ZBTB45: variants seen among roughly 807,000 people sequenced by gnomAD.
ZBTB45 encodes zinc finger and BTB domain containing 45, also known as zinc finger and BTB domain-containing protein 45.
In ZBTB45, 22 loss-of-function variants were observed where a neutral mutation model predicts 28.4. The ratio of observed to expected loss-of-function variants is 0.77; its 90% CI spans 0.55 to 1.10. The LOEUF (loss-of-function observed/expected upper bound fraction) is 1.10. ZBTB45 is among the 50% of genes least tolerant of loss of function. The pLI is 0.00. For missense variants in ZBTB45, 656 were observed against 750.2 expected, an observed-to-expected ratio of 0.87 and a Z score of 1.47; for synonymous variants, 361 against 332.3, an observed-to-expected ratio of 1.09 and a Z score of -0.94.
chr19:58,516,741 G>C lies in ZBTB45; in HGVS notation c.933C>G (p.Asp311Glu). The change falls in exon 2 of 3, where the codon GAC becomes GAG. Residue 311 changes from aspartate to glutamate, a missense_variant. By Grantham distance (45) the Asp-to-Glu change is conservative (BLOSUM62 2). This residue lies in a region of ZBTB45 where 448 missense variants were observed against 444.3 expected (regional missense o/e 1.01). Coordinates refer to ENST00000594051, the MANE Select transcript of ZBTB45 (RefSeq NM_001316979.2). This position sits in a 1 kb window ranked among gnomAD's most constrained non-coding sequence, Gnocchi z 6.2. ...GCGGGCGGGATCCAGACAGTATGCA[G>C]TCGGGCTGGACAGGGGTCTCAGTGG... ...GCPTETPVQP[D>E]CILSGSRPPG... 3.1e-6 allele frequency: 5 copies of C among 1,611,566 alleles called. No individual in the cohort carries two copies. The highest frequency in any genetic ancestry group is 4.2e-6 in the Non-Finnish European group (5 of 1,178,628).
chr19:58,518,867 G>A (rs566541159), intron 1 of ZBTB45, among the ~76,000 whole-genome samples: 5 of 152,164 alleles, frequency 3.3e-5, no homozygotes, highest in African/African-American at 1.2e-4. Context: ...GGGTGGGCTC[G>A]GCTTGATGCT....
chr19:58,516,002 T>C lies in ZBTB45; in HGVS notation c.1279+393A>G, dbSNP rs1404593943. The stretch of plus-strand genomic sequence containing the variant: ...CCCATCCTCCCTTGCTGCCAGCCTA[T>C]AACGGGACAGCTGGAAACCAGAGAG... On this transcript the variant is annotated intron_variant, in intron 2 of 2. Transcript: ENST00000594051. This position sits in a 1 kb window ranked among gnomAD's most constrained non-coding sequence, Gnocchi z 6.2. Among the ~76,000 whole-genome samples, 1 of 152,130 alleles carries C rather than the reference T, an allele frequency of 6.6e-6. No homozygotes were observed. Among genetic ancestry groups the C allele is most frequent in the South Asian group, 2.1e-4 (1 of 4,828 alleles).
intron 1 of ZBTB45, among the ~76,000 whole-genome samples, chr19:58,531,204 T>C (rs1285855459): frequency 6.6e-6 from 1 of 152,262 alleles, no homozygotes; most frequent in Non-Finnish European, 1.5e-5. Flanking sequence ...CAGTATTTCA[T>C]TGCGGTTTGA....
intron 1 of ZBTB45, among the ~76,000 whole-genome samples, chr19:58,531,469 A>C (rs2053635459): frequency 6.6e-6 from 1 of 152,192 alleles, no homozygotes; most frequent in Non-Finnish European, 1.5e-5. Context: ...CATGTACCTC[A>C]TAACATAAGC....
chr19:58,516,546 C>G lies in ZBTB45; in HGVS notation c.1128G>C (p.Glu376Asp). ...PEAAPSTQLG[E>D]VPAPSAAPTT... ...TGGGAGCAGCAGAGGGAGCCGGGAC[C>G]TCCCCCAGCTGAGTACTGGGGGCTG... is the stretch of plus-strand genomic sequence containing the variant. Residue 376 changes from glutamate to aspartate, a missense_variant, in exon 2 of 3, where the codon GAG (glutamate) becomes GAC (aspartate). By Grantham distance (45) the Glu-to-Asp change is conservative (BLOSUM62 2). Coordinates refer to ENST00000594051, the MANE Select transcript of ZBTB45 (RefSeq NM_001316979.2). This position sits in a 1 kb window ranked among gnomAD's most constrained non-coding sequence, Gnocchi z 6.2. The G allele has an allele frequency of 6.2e-7, 1 of 1,608,072 alleles. No homozygotes were observed. The highest frequency in any genetic ancestry group is 1.1e-5 in the South Asian group (1 of 90,548).
chr19:58,538,453 G>A lies in ZBTB45; in HGVS notation c.-1+248C>T, dbSNP rs1329961665. 2.0e-5 allele frequency among the ~76,000 whole-genome samples: 3 copies of A among 152,162 alleles called. No homozygotes were observed. The East Asian group carries it at 5.8e-4, about 29-fold the overall frequency. ...GCGTGGCCCTATGAAGGGGCAGGCTGGGCGTGGAGGCGGTGACTATGCCGC... is the reference window on the plus strand; with the variant it reads ...GCGTGGCCCTATGAAGGGGCAGGCTAGGCGTGGAGGCGGTGACTATGCCGC... On this transcript the variant is annotated intron_variant, in intron 1 of 1. Coordinates refer to the ZBTB45 transcript ENST00000600130.
intron 1 of ZBTB45, among the ~76,000 whole-genome samples, chr19:58,538,416 C>T (rs529803554): frequency 6.6e-6 from 1 of 152,008 alleles, no homozygotes; most frequent in Non-Finnish European, 1.5e-5. Context: ...AGGGGGCGGG[C>T]CGGCTAGCGA....
chr19:58,517,754 G>A (rs1392422567), intron 1 of ZBTB45, 81 bp from the exon 2 acceptor site: 2 of 1,364,288 alleles, frequency 1.5e-6, no homozygotes, highest in African/African-American at 2.9e-5. Flanking sequence ...CTCACCCCTT[G>A]TTGCAGGACA....
intron 1 of ZBTB45, among the ~76,000 whole-genome samples, chr19:58,534,687 C>T (rs1292237844): frequency 2.7e-5 from 4 of 150,670 alleles, no homozygotes; most frequent in Admixed American, 6.6e-5. Flanking sequence ...CTCCCGAGTA[C>T]CTGGGACTAC....
At chr19:58,534,808 G>A (rs1355612976) in intron 1 of ZBTB45, among the ~76,000 whole-genome samples, 2 of 151,106 alleles carry the variant, frequency 1.3e-5, no homozygotes, top group African/African-American at 2.4e-5. Flanking sequence ...CGCCCACCTC[G>A]GCCTGCCAAA....
upstream of ZBTB45, among the ~76,000 whole-genome samples, chr19:58,521,113 C>T (rs2053574483): frequency 6.9e-6 from 1 of 144,130 alleles, no homozygotes; most frequent in Admixed American, 7.0e-5. Context: ...GCCTGTAATC[C>T]CAGCACTGTG....
At position 58,534,896 on chromosome 19, in the gene ZBTB45, C is replaced by T. The variant is rs533589728; in HGVS notation, c.-1+3805G>A. 2.6e-4 allele frequency among the ~76,000 whole-genome samples: 38 copies of T among 144,600 alleles called. No individual in the cohort carries two copies. The Middle Eastern group carries it at 0.025, about 94-fold the overall frequency. The allele number at this position is 144,600 out of a possible 152,430, so 94.9% of individuals were successfully genotyped here. The stretch of plus-strand genomic sequence containing the variant: ...TCAAGTTGGAGTCTCGCTCTGTCGC[C>T]CAGGCTGGAGTGCAATGGCATGATT... On this transcript the variant is annotated intron_variant, in intron 1 of 1. Transcript: ENST00000600130.
At chr19:58,525,554 A>G (rs2053602844) in intron 1 of ZBTB45, among the ~76,000 whole-genome samples, 1 of 152,160 alleles carries the variant, frequency 6.6e-6, no homozygotes, top group Non-Finnish European at 1.5e-5. Flanking sequence ...CTGAGGCTGC[A>G]GCTTAGAGAG....
chr19:58,521,366 C>CAAA (rs1180915172), upstream of ZBTB45, among the ~76,000 whole-genome samples: 5 of 93,720 alleles, frequency 5.3e-5, no homozygotes, highest in African/African-American at 1.3e-4. Context: ...CACTCAGTCT[C>CAAA]AAAAAAAAAA....
intron 1 of ZBTB45, among the ~76,000 whole-genome samples, chr19:58,518,591 G>C (rs1427244573): frequency 6.6e-6 from 1 of 152,080 alleles, no homozygotes; most frequent in Non-Finnish European, 1.5e-5. Flanking sequence ...CGGGGACACG[G>C]CCCAACATCA....
At chr19:58,517,825 A>G (rs1425125920) in intron 1 of ZBTB45, 152 bp from the exon 2 acceptor site, 1 of 688,800 alleles carries the variant, frequency 1.5e-6, no homozygotes, top group Non-Finnish European at 2.4e-6. Flanking sequence ...TGCCCTTCAC[A>G]GTCCCCATTC....
upstream of ZBTB45, among the ~76,000 whole-genome samples, chr19:58,521,418 G>C (rs2053578157): frequency 1.4e-5 from 2 of 147,990 alleles, no homozygotes; most frequent in Admixed American, 1.3e-4. Context: ...CTTAGCCCTA[G>C]AAGTGCGTGG....
At chr19:58,519,838 G>A (rs900151815), upstream of ZBTB45, 1 of 152,394 alleles carries the variant, frequency 6.6e-6, no homozygotes, top group Non-Finnish European at 1.5e-5. Context: ...GCGGAACGGA[G>A]GCCTGCGGTC....
At chr19:58,518,727 G>T (rs1287422533) in intron 1 of ZBTB45, among the ~76,000 whole-genome samples, 1 of 152,108 alleles carries the variant, frequency 6.6e-6, no homozygotes, top group Non-Finnish European at 1.5e-5. Flanking sequence ...AACAAGGGAT[G>T]AGATACTCGG....
Sources: gnomAD v4.1 joint callset for allele counts (sites outside exome capture counted in the v4.1 genomes callset) on GRCh38, gnomAD v4.1.1 for gene constraint, gnomAD v4.1.1 regional missense constraint, Gnocchi (gnomAD v3.1) non-coding constraint, MANE v1.5 for transcripts, NCBI Gene and HGNC (gene_info 2026-07-23, HGNC 2026-07-21) for gene names.